The following PROM1 variants were observed in gnomAD, a reference collection of about 807,000 sequenced individuals.
The protein encoded by PROM1 is prominin-1.
Under a neutral mutation model 116.9 loss-of-function variants are expected in PROM1, and 105 were observed. That is an observed-to-expected ratio of 0.90 (90% confidence interval 0.77 to 1.06). The LOEUF (loss-of-function observed/expected upper bound fraction) is 1.06, where lower values mean the gene tolerates loss of function less well. Among genes scored for constraint, PROM1 ranks in the 50% least tolerant of loss-of-function variants. The probability of loss-of-function intolerance (pLI) is 0.00; values close to 1 mark genes in which losing one functional copy is unlikely to be tolerated. For synonymous variants in PROM1, 393 were observed against 387.0 expected, an observed-to-expected ratio of 1.02 and a Z score of -0.18; for missense variants, 1,122 against 1,045.2, an observed-to-expected ratio of 1.07 and a Z score of -1.01.
At chr4:15,976,049 G>C (rs900904304) in intron 26 of PROM1, 10 of 369,158 alleles carry the variant, frequency 2.7e-5, no homozygotes, top group Non-Finnish European at 4.9e-5. Context: ...CTAGCCCCAG[G>C]CTTCACAGGT....
intron 1 of PROM1, chr4:16,080,773 A>G (rs1472879784): frequency 6.6e-6 from 1 of 152,212 alleles, no homozygotes; most frequent in Non-Finnish European, 1.5e-5. Context: ...GTCCTGGTGG[A>G]GCTGAGCCAT....
intron 1 of PROM1, among the ~76,000 whole-genome samples, chr4:16,082,985 C>T (rs1745323662): frequency 6.6e-6 from 1 of 151,828 alleles, no homozygotes; most frequent in Admixed American, 6.6e-5. Flanking sequence ...CCCGCGCATG[C>T]AAGCAGAAGG....
chr4:16,066,378 A>C (rs1741536847), intron 2 of PROM1, among the ~76,000 whole-genome samples: 1 of 152,202 alleles, frequency 6.6e-6, no homozygotes, highest in Non-Finnish European at 1.5e-5. Context: ...AATTTACCTA[A>C]ACAAATATTA....
rs780771729 is a variant in PROM1, at chr4:16,013,272, C to T, written c.1141+3G>A. The T allele has an allele frequency of 1.2e-6, 2 of 1,601,134 alleles. No individual in the cohort carries two copies. Among genetic ancestry groups the T allele is most frequent in the South Asian group, 2.2e-5 (2 of 90,770 alleles). On this transcript the variant is annotated splice_donor_region_variant and intron_variant, in intron 11 of 27. Coordinates refer to ENST00000447510, the MANE Select transcript of PROM1 (RefSeq NM_006017.3). ...CAAAATCACCTCAAACTGTGAATCT[C>T]ACCTGCTACGACAGTCGTGGTTTGG...
intron 22 of PROM1, among the ~76,000 whole-genome samples, chr4:15,985,139 T>A (rs999626392): frequency 1.3e-5 from 2 of 152,242 alleles, no homozygotes; most frequent in South Asian, 2.1e-4. Flanking sequence ...AGACTTTTTT[T>A]AATACAGTAT....
intron 2 of PROM1, among the ~76,000 whole-genome samples, chr4:16,069,559 T>C (rs1287199064): frequency 6.6e-6 from 1 of 152,238 alleles, no homozygotes; most frequent in East Asian, 1.9e-4. Context: ...TTATAGGAGA[T>C]AAAACTAGTC....
intron 27 of PROM1, 90 bp from the exon 28 acceptor site, chr4:15,969,458 C>T (rs1367539931): frequency 1.3e-5 from 2 of 152,130 alleles, no homozygotes; most frequent in Non-Finnish European, 2.9e-5. Context: ...TGGTCCCCAC[C>T]AGGAGCCTAA....
At chr4:15,990,890 C>T (rs1434951879) in intron 18 of PROM1, among the ~76,000 whole-genome samples, 1 of 152,238 alleles carries the variant, frequency 6.6e-6, no homozygotes, top group Non-Finnish European at 1.5e-5. Flanking sequence ...ACAAAACTGT[C>T]CCTAGGCTGC....
intron 9 of PROM1, among the ~76,000 whole-genome samples, chr4:16,017,296 C>T (rs1446661486): frequency 6.6e-6 from 1 of 152,098 alleles, no homozygotes; most frequent in Admixed American, 6.5e-5. Flanking sequence ...GGGATCCATG[C>T]GTTCATCTTG....
At chr4:16,038,371 T>G (rs532460212) in intron 3 of PROM1, among the ~76,000 whole-genome samples, 3 of 152,314 alleles carry the variant, frequency 2.0e-5, no homozygotes, top group South Asian at 4.1e-4. Flanking sequence ...GCGTAATATT[T>G]CTTTTTGAAG....
In PROM1 at chr4:16,006,545, G is replaced by A. The variant is rs1380973659; in HGVS notation, c.1447C>T (p.Leu483Phe). Reference protein sequence around the residue: ...GCVSNTGGVFLMVGVGLSFLF... With the variant: ...GCVSNTGGVFFMVGVGLSFLF... ...AGAGGAGCAGACACTCACACCATGA[G>A]GAAGACGCCTCCGGTGTTGGAGACA... The change falls in exon 13 of 28, where the codon CTC (leucine) becomes TTC (phenylalanine). Residue 483 changes from leucine (L) to phenylalanine (F), a missense_variant. Leu to Phe is a conservative substitution (Grantham distance 22). Coordinates refer to ENST00000447510, the MANE Select transcript of PROM1 (RefSeq NM_006017.3). 1 of 1,590,542 alleles carries A rather than the reference G, an allele frequency of 6.3e-7. No individual in the cohort carries two copies. Among genetic ancestry groups the A allele is most frequent in the Non-Finnish European group, 8.6e-7 (1 of 1,169,110 alleles).
rs557579086 is a variant in PROM1 at position 15,985,328 on chromosome 4, A to T, written c.2280+432T>A. ...GGACTCTGGAACGAATAACCCATGG[A>T]TACTGAGGGACAATTGTATATATTT... On this transcript the variant is annotated intron_variant, in intron 22 of 27. Coordinates refer to ENST00000447510, the MANE Select transcript of PROM1 (RefSeq NM_006017.3). 4.5e-4 allele frequency among the ~76,000 whole-genome samples: 68 copies of T among 152,288 alleles called. 2 individuals are homozygous for T. The highest frequency in any genetic ancestry group is 1.6e-3 in the African/African-American group (67 of 41,558).
rs184652608 is a variant in PROM1, at chr4:16,016,381, G to A, written c.1003-141C>T. Reference sequence around the variant, plus strand: ...ATCGCAGTTTCTTTTGAACAATAGAGTTTTATTTCGGAAAAACACAGCTCA... The same window carrying A: ...ATCGCAGTTTCTTTTGAACAATAGAATTTTATTTCGGAAAAACACAGCTCA... On this transcript the variant is annotated intron_variant, in intron 9 of 27. Coordinates refer to ENST00000447510, the MANE Select transcript of PROM1 (RefSeq NM_006017.3). 6.5e-5 allele frequency: 44 copies of A among 681,180 alleles called. No homozygotes were observed. In the East Asian group the frequency reaches 1.1e-3, roughly 17 times the overall value. 42.2% of individuals were successfully genotyped at this position (681,180 alleles called of 1,614,324 possible).
intron 5 of PROM1, among the ~76,000 whole-genome samples, chr4:16,027,845 A>G (rs1731703035): frequency 6.6e-6 from 1 of 152,202 alleles, no homozygotes; most frequent in African/African-American, 2.4e-5. Flanking sequence ...GTGAGTCAGA[A>G]ACTGTCTTTG....
intron 25 of PROM1, 54 bp from the exon 26 acceptor site, chr4:15,979,517 T>C (rs1717211062): frequency 6.4e-7 from 1 of 1,551,800 alleles, no homozygotes; most frequent in Non-Finnish European, 8.7e-7. Flanking sequence ...AGATGAAGTA[T>C]TTACATCATG....
At position 15,992,382 on chromosome 4, in the gene PROM1, T is replaced by G. The variant is rs1429142026; in HGVS notation, c.1777A>C (p.Ser593Arg). 6.2e-7 allele frequency: 1 copy of G among 1,613,036 alleles called. No individual in the cohort carries two copies. Among genetic ancestry groups the G allele is most frequent in the Non-Finnish European group, 8.5e-7 (1 of 1,179,342 alleles). Residue 593 changes from serine (S) to arginine (R), a missense_variant, in exon 17 of 28, where the codon AGC (serine) becomes CGC (arginine). Physicochemically the swap from Ser to Arg is moderately radical, Grantham distance 110. Transcript: ENST00000447510. ...AGACTTTCCAATTCACTGCTTATGC[T>G]TCCAGTATGCTGCGAAAAAAGGAAG... ...EHLNINEHTG[S>R]ISSELESLKV...
chr4:16,035,816 AACAG>A, intron 3 of PROM1, 55 bp from the exon 4 acceptor site: 9 of 1,538,318 alleles, frequency 5.9e-6, no homozygotes, highest in Non-Finnish European at 8.1e-6. Flanking sequence ...GCATCAAGAA[AACAG>A]ACAGAAAAAG....
chr4:16,001,690 G>A (rs964938024), intron 13 of PROM1, among the ~76,000 whole-genome samples: 2 of 152,198 alleles, frequency 1.3e-5, no homozygotes, highest in African/African-American at 4.8e-5. Flanking sequence ...GCAGTCATGG[G>A]GGAGGAAACC....
At chr4:16,000,729 T>A in intron 13 of PROM1, 110 bp from the exon 14 acceptor site, 1 of 950,138 alleles carries the variant, frequency 1.1e-6, no homozygotes, top group Non-Finnish European at 1.4e-6. Flanking sequence ...GTCTTCAGTG[T>A]TATTCAGGTG....
Sources: allele counts gnomAD v4.1 joint callset (sites outside exome capture counted in the v4.1 genomes callset), GRCh38; gene constraint gnomAD v4.1.1; transcripts MANE v1.5; gene names NCBI Gene and HGNC (gene_info 2026-07-23, HGNC 2026-07-21).